Variants in PCDH9 observed in about 807,000 individuals in gnomAD.
PCDH9 encodes protocadherin-9.
PCDH9 carries 24 observed loss-of-function variants against 70.6 expected under a neutral mutation model. The observed-to-expected ratio is 0.34, with a 90% CI of 0.25 to 0.48. The LOEUF is 0.48. Ranked by LOEUF, PCDH9 falls within the 20% of genes least tolerant of loss-of-function variation. The pLI is 0.99. For missense variants in PCDH9, 1,281 were observed against 1,503.6 expected (o/e 0.85, Z 2.45); for synonymous variants, 562 against 558.5 (o/e 1.01, Z -0.09).
intron 3 of PCDH9, among the ~76,000 whole-genome samples, chr13:66,700,930 A>G (rs1054568148): frequency 0.18 from 11,298 of 61,714 alleles, 1,335 homozygotes; most frequent in South Asian, 0.25. Flanking sequence ...ATAAATATAT[A>G]TATATATATA....
intron 4 of PCDH9, among the ~76,000 whole-genome samples, chr13:66,412,873 A>T (rs1345093948): frequency 6.6e-6 from 1 of 152,198 alleles, no homozygotes. Flanking sequence ...TAGATACTGA[A>T]AATGTTTTTC....
chr13:67,224,209 C>T (rs974795457), intron 2 of PCDH9: 21 of 152,198 alleles, frequency 1.4e-4, no homozygotes, highest in African/African-American at 4.6e-4. Context: ...AACTCCATAT[C>T]GACAAAGACA....
At chr13:66,463,179 C>G (rs1251377879) in intron 4 of PCDH9, among the ~76,000 whole-genome samples, 1 of 151,760 alleles carries the variant, frequency 6.6e-6, no homozygotes, top group African/African-American at 2.4e-5. Context: ...ATATGCCTAT[C>G]CCTCCCTATG....
chr13:66,966,080 T>C lies in PCDH9; in HGVS notation c.3037-62475A>G, dbSNP rs7993584. ...ATGCCATATTTTAAAAAAATATGTA[T>C]CATATATTTACTTGGCTCTTCTTAT... On this transcript the variant is annotated intron_variant, in intron 2 of 4. Transcript: ENST00000377865. Among the ~76,000 whole-genome samples the C allele has an allele frequency of 7.7e-3, 1,175 of 152,206 alleles. 13 individuals carry two copies. The highest frequency in any genetic ancestry group is 0.027 in the African/African-American group (1,114 of 41,542).
intron 4 of PCDH9, among the ~76,000 whole-genome samples, chr13:66,574,240 T>A (rs959058309): frequency 1.3e-5 from 2 of 152,166 alleles, no homozygotes; most frequent in African/African-American, 4.8e-5. Flanking sequence ...TGTTCTCTGG[T>A]CAATTTATTG....
intron 2 of PCDH9, among the ~76,000 whole-genome samples, chr13:67,031,463 G>A (rs1024271225): frequency 6.6e-6 from 1 of 152,044 alleles, no homozygotes. Flanking sequence ...CCAGCACTTT[G>A]GTAGACAGAA....
intron 4 of PCDH9, among the ~76,000 whole-genome samples, chr13:66,630,176 T>C (rs543743737): frequency 4.6e-5 from 7 of 152,214 alleles, no homozygotes; most frequent in African/African-American, 1.7e-4. Context: ...CCCTGCTTAG[T>C]TTAGATGCAT....
intron 4 of PCDH9, among the ~76,000 whole-genome samples, chr13:66,590,468 C>A (rs2077023921): frequency 6.6e-6 from 1 of 151,704 alleles, no homozygotes; most frequent in South Asian, 2.1e-4. Context: ...TGGTACACAA[C>A]CAAATGAAAA....
chr13:66,942,229 A>G (rs561324204), intron 2 of PCDH9, among the ~76,000 whole-genome samples: 213 of 152,042 alleles, frequency 1.4e-3, no homozygotes, highest in African/African-American at 4.9e-3. Flanking sequence ...AGGTCTAAAA[A>G]CAAGGGCATA....
At chr13:66,868,161 C>T (rs2081608711) in intron 3 of PCDH9, among the ~76,000 whole-genome samples, 1 of 151,838 alleles carries the variant, frequency 6.6e-6, no homozygotes, top group African/African-American at 2.4e-5. Flanking sequence ...TACTGGGTTC[C>T]TGAAACTGCT....
chr13:66,761,821 TAA>T (rs35282933), intron 3 of PCDH9, among the ~76,000 whole-genome samples: 1 of 151,558 alleles, frequency 6.6e-6, no homozygotes, highest in Non-Finnish European at 1.5e-5. Flanking sequence ...TGAGCTTCCT[TAA>T]AAAAAATCAT....
At chr13:66,645,246 G>A (rs1304806121) in intron 3 of PCDH9, among the ~76,000 whole-genome samples, 1 of 152,036 alleles carries the variant, frequency 6.6e-6, no homozygotes, top group Non-Finnish European at 1.5e-5. Flanking sequence ...TAGTGCATGA[G>A]TATGATCTTA....
At chr13:66,717,480 A>AAAATATATATATATAT (rs1566145314) in intron 3 of PCDH9, among the ~76,000 whole-genome samples, 1 of 44,434 alleles carries the variant, frequency 2.3e-5, no homozygotes. Flanking sequence ...AAAAAAAAAA[A>AAAATATATATATATAT]ATATATATAT....
chr13:66,653,983 AAAAT>A (rs1298122569), intron 3 of PCDH9, among the ~76,000 whole-genome samples: 3 of 150,420 alleles, frequency 2.0e-5, no homozygotes, highest in Admixed American at 6.6e-5. Context: ...TAAAAAAAAA[AAAAT>A]AGAAAGAAAA....
chr13:66,589,161 T>C (rs1335982759), intron 4 of PCDH9, among the ~76,000 whole-genome samples: 2 of 152,036 alleles, frequency 1.3e-5, no homozygotes, highest in Non-Finnish European at 2.9e-5. Flanking sequence ...GCCTTATAAA[T>C]AAAATGTTTC....
At chr13:66,747,214 G>T (rs189302756) in intron 3 of PCDH9, among the ~76,000 whole-genome samples, 43 of 152,194 alleles carry the variant, frequency 2.8e-4, no homozygotes, top group Non-Finnish European at 3.8e-4. Flanking sequence ...AGCCAGATAT[G>T]GTGGTGTGTG....
At chr13:66,876,988 C>T (rs1240778705) in intron 3 of PCDH9, 2 of 151,334 alleles carry the variant, frequency 1.3e-5, no homozygotes, top group South Asian at 2.1e-4. Context: ...AGATTAAATA[C>T]GACAATGTAT....
At chr13:66,678,810 A>C (rs564021533) in intron 3 of PCDH9, among the ~76,000 whole-genome samples, 1 of 151,954 alleles carries the variant, frequency 6.6e-6, no homozygotes, top group African/African-American at 2.4e-5. Flanking sequence ...TTCTGAAAAA[A>C]GAAAACAAAA....
chr13:66,726,519 A>C (rs2079007776), intron 3 of PCDH9, among the ~76,000 whole-genome samples: 1 of 152,234 alleles, frequency 6.6e-6, no homozygotes, highest in Admixed American at 6.5e-5. Context: ...CTAGAGGCAC[A>C]CTAAGTCACT....
Sources: allele counts gnomAD v4.1 joint callset (sites outside exome capture counted in the v4.1 genomes callset), GRCh38; gene constraint gnomAD v4.1.1; transcripts MANE v1.5; gene names NCBI Gene and HGNC (gene_info 2026-07-23, HGNC 2026-07-21).